The following AGAP1 variants were observed in gnomAD, a reference collection of about 807,000 sequenced individuals.
AGAP1 encodes the protein arf-GAP with GTPase, ANK repeat and PH domain-containing protein 1.
In AGAP1, 29 loss-of-function variants were observed where a neutral mutation model predicts 105.3. The ratio of observed to expected loss-of-function variants is 0.28; its 90% CI spans 0.21 to 0.38. The LOEUF (loss-of-function observed/expected upper bound fraction) is 0.38, where lower values mean the gene tolerates loss of function less well. Ranked by LOEUF, AGAP1 falls within the 10% of genes least tolerant of loss-of-function variation. The probability of loss-of-function intolerance (pLI) is 1.00; values close to 1 mark genes in which losing one functional copy is unlikely to be tolerated. For missense variants in AGAP1, 998 were observed against 1,165.1 expected, an observed-to-expected ratio of 0.86 and a Z score of 2.09; for synonymous variants, 509 against 485.9, an observed-to-expected ratio of 1.05 and a Z score of -0.63.
At position 235,608,769 on chromosome 2, in the gene AGAP1, T is replaced by C. The variant is rs1433611707; in HGVS notation, c.164-100410T>C. 1.3e-5 allele frequency among the ~76,000 whole-genome samples: 2 copies of C among 152,138 alleles called. No homozygotes were observed. ...GAGAGAGGAGCAATTTTCCATGGAA[T>C]ATATCTGATGGCAGGTCTTGAGGTC... On this transcript the variant is annotated intron_variant, in intron 1 of 17. Transcript: ENST00000304032. This position sits in a 1 kb window ranked among gnomAD's most constrained non-coding sequence, Gnocchi z 5.4.
chr2:235,869,475 C>T (rs2049336272), intron 9 of AGAP1, among the ~76,000 whole-genome samples: 1 of 147,762 alleles, frequency 6.8e-6, no homozygotes, highest in Non-Finnish European at 1.5e-5. Flanking sequence ...ACGGCAGGTG[C>T]CTGTAATCCC....
At chr2:235,513,063 A>G (rs1039480200) in intron 1 of AGAP1, among the ~76,000 whole-genome samples, 3 of 152,062 alleles carry the variant, frequency 2.0e-5, no homozygotes, top group African/African-American at 4.8e-5. Context: ...GAGAAAATCT[A>G]GTTTGCACTT....
intron 9 of AGAP1, among the ~76,000 whole-genome samples, chr2:235,856,473 G>A (rs1018630950): frequency 2.0e-5 from 3 of 152,228 alleles, no homozygotes; most frequent in African/African-American, 4.8e-5. Flanking sequence ...ACATTCTCAT[G>A]ACCTGTGTGC....
rs759308206 is a variant in AGAP1 at position 235,961,965 on chromosome 2, G to A, written c.1484-6497G>A. ...ATCCATTTCCCAGGGGAGGGGCCCC[G>A]CGCCCATGGAGACTGCTGGGGACAG... On this transcript the variant is annotated intron_variant, in intron 12 of 17. Transcript: ENST00000304032. This position sits in a 1 kb window ranked among gnomAD's most constrained non-coding sequence, Gnocchi z 5.9. Among the ~76,000 whole-genome samples the A allele has an allele frequency of 2.6e-5, 4 of 152,116 alleles. No individual in the cohort carries two copies. Among genetic ancestry groups the A allele is most frequent in the Non-Finnish European group, 5.9e-5 (4 of 68,030 alleles).
chr2:235,591,146 G>C (rs1574917881), intron 1 of AGAP1, among the ~76,000 whole-genome samples: 1 of 152,156 alleles, frequency 6.6e-6, no homozygotes, highest in East Asian at 1.9e-4. Flanking sequence ...CTCCCGAGTA[G>C]CTGGGATTAC....
chr2:235,921,347 A>C (rs2052173596), intron 11 of AGAP1, among the ~76,000 whole-genome samples: 1 of 152,252 alleles, frequency 6.6e-6, no homozygotes, highest in Non-Finnish European at 1.5e-5. Flanking sequence ...TGTGGCCATA[A>C]CCAAGAACAA....
chr2:235,785,745 A>G (rs1956588638), intron 6 of AGAP1, among the ~76,000 whole-genome samples: 4 of 152,080 alleles, frequency 2.6e-5, no homozygotes, highest in Admixed American at 1.3e-4. Flanking sequence ...TTCTCTTTGT[A>G]TGTTTTAAAA....
chr2:235,563,094 C>G (rs934003669), intron 1 of AGAP1, among the ~76,000 whole-genome samples: 4 of 152,090 alleles, frequency 2.6e-5, no homozygotes, highest in Non-Finnish European at 4.4e-5. Flanking sequence ...TCGCTTTGCC[C>G]TGGGGCTGCT....
At chr2:235,697,826 C>G (rs780851244) in intron 1 of AGAP1, among the ~76,000 whole-genome samples, 1 of 152,164 alleles carries the variant, frequency 6.6e-6, no homozygotes, top group Non-Finnish European at 1.5e-5. Context: ...CTGACAGAAA[C>G]TCAGCATATG....
chr2:235,664,606 A>G lies in AGAP1; in HGVS notation c.164-44573A>G, dbSNP rs1337890042. 6.6e-6 allele frequency among the ~76,000 whole-genome samples: 1 copy of G among 152,220 alleles called. No individual in the cohort carries two copies. Among genetic ancestry groups the G allele is most frequent in the Non-Finnish European group, 1.5e-5 (1 of 68,042 alleles). ...AATATTTTCCTTTTGTTTGGGAATA[A>G]GAATCTACTCACAATGGACACTTGC... On this transcript the variant is annotated intron_variant, in intron 1 of 17. Transcript: ENST00000304032. This position sits in a 1 kb window ranked among gnomAD's most constrained non-coding sequence, Gnocchi z 5.7.
Position 236,045,675 on chromosome 2 carries a change from A to G in AGAP1, c.1892-3384A>G, listed in dbSNP as rs949866394. ...CAGTGCAGAGGTCTGAGTCCGTGCC[A>G]GGAGGCTGGGATCAGCCACAGGCCG... On this transcript the variant is annotated intron_variant, in intron 15 of 17. Transcript: ENST00000304032. This position sits in a 1 kb window ranked among gnomAD's most constrained non-coding sequence, Gnocchi z 6.9. 2.6e-5 allele frequency among the ~76,000 whole-genome samples: 4 copies of G among 152,228 alleles called. No homozygotes were observed. Among genetic ancestry groups the G allele is most frequent in the Admixed American group, 2.6e-4 (4 of 15,288 alleles).
intron 12 of AGAP1, among the ~76,000 whole-genome samples, chr2:235,950,873 G>A (rs911347033): frequency 6.8e-6 from 1 of 146,736 alleles, no homozygotes; most frequent in Non-Finnish European, 1.5e-5. Flanking sequence ...AATGTAACTC[G>A]GGATCTCCAA....
At chr2:235,598,255 C>G (rs1303589411) in intron 1 of AGAP1, among the ~76,000 whole-genome samples, 2 of 152,188 alleles carry the variant, frequency 1.3e-5, no homozygotes, top group Non-Finnish European at 2.9e-5. Flanking sequence ...CGCCCTGGTT[C>G]CTGCCTGCCC....
intron 10 of AGAP1, among the ~76,000 whole-genome samples, chr2:235,902,987 G>T (rs766129337): frequency 1.2e-4 from 19 of 152,100 alleles, no homozygotes; most frequent in Non-Finnish European, 2.5e-4. Context: ...ACAGTTTGGG[G>T]CTACTACTTT....
intron 16 of AGAP1, among the ~76,000 whole-genome samples, chr2:236,075,252 G>GTT (rs200698241): frequency 3.8e-4 from 58 of 151,986 alleles, no homozygotes; most frequent in African/African-American, 1.3e-3. Context: ...TGCGCGCTGG[G>GTT]TTTTTTTTAC....
chr2:236,040,977 T>G lies in AGAP1; in HGVS notation c.1891+136T>G. The G allele has an allele frequency of 3.1e-4, 227 of 724,118 alleles. No individual in the cohort carries two copies. Among genetic ancestry groups the G allele is most frequent in the Non-Finnish European group, 4.8e-4 (210 of 434,036 alleles). 44.9% of individuals were successfully genotyped at this position (724,118 alleles called of 1,614,324 possible). ...GTTAACTGCTTTTAGGAAATTGAGATATTTTGTTTGGATTTTACCTTAACA... is the reference window on the plus strand; with the variant it reads ...GTTAACTGCTTTTAGGAAATTGAGAGATTTTGTTTGGATTTTACCTTAACA... On this transcript the variant is annotated intron_variant, in intron 15 of 17. Coordinates refer to ENST00000304032, the MANE Select transcript of AGAP1 (RefSeq NM_001037131.3). The surrounding 1 kb of genome is among the most constrained non-coding windows in gnomAD (Gnocchi z 5.6).
chr2:235,923,091 G>A (rs552031918), intron 11 of AGAP1, among the ~76,000 whole-genome samples: 20 of 152,284 alleles, frequency 1.3e-4, no homozygotes, highest in South Asian at 4.1e-4. Context: ...CTGATCCGTA[G>A]ATGGGGTATT....
In AGAP1 at chr2:235,659,068, G is replaced by C. The variant is rs1027450186; in HGVS notation, c.164-50111G>C. Among the ~76,000 whole-genome samples the C allele has an allele frequency of 6.6e-6, 1 of 151,992 alleles. No individual in the cohort carries two copies. Among genetic ancestry groups the C allele is most frequent in the Non-Finnish European group, 1.5e-5 (1 of 68,002 alleles). ...TTGTTCCCGCCCTGCCAACTTCCACGCCAGCCTCCTTTTGCAAGTCCACCT... is the reference window on the plus strand; with the variant it reads ...TTGTTCCCGCCCTGCCAACTTCCACCCCAGCCTCCTTTTGCAAGTCCACCT... On this transcript the variant is annotated intron_variant, in intron 1 of 17. Coordinates refer to ENST00000304032, the MANE Select transcript of AGAP1 (RefSeq NM_001037131.3). The surrounding 1 kb of genome is among the most constrained non-coding windows in gnomAD (Gnocchi z 5.0).
In AGAP1 at chr2:235,741,101, G is replaced by T. The variant is rs1952556101; in HGVS notation, c.396+53G>T. The T allele has an allele frequency of 7.0e-7, 1 of 1,436,508 alleles. No homozygotes were observed. The highest frequency in any genetic ancestry group is 1.4e-5 in the African/African-American group (1 of 71,226). 89.0% of individuals were successfully genotyped at this position (1,436,508 alleles called of 1,614,324 possible). ...GCTTTTTTTCCCTTTGTTTTCTAAGGTTTGATTCAAGAAGTGCTTCTAGAA... is the reference window on the plus strand; with the variant it reads ...GCTTTTTTTCCCTTTGTTTTCTAAGTTTTGATTCAAGAAGTGCTTCTAGAA... On this transcript the variant is annotated intron_variant, in intron 4 of 17. Transcript: ENST00000304032. The surrounding 1 kb of genome is among the most constrained non-coding windows in gnomAD (Gnocchi z 4.9).
Sources: gnomAD v4.1 joint callset for allele counts (sites outside exome capture counted in the v4.1 genomes callset) on GRCh38, gnomAD v4.1.1 for gene constraint, Gnocchi (gnomAD v3.1) non-coding constraint, MANE v1.5 for transcripts, NCBI Gene and HGNC (gene_info 2026-07-23, HGNC 2026-07-21) for gene names.